The following SLC6A17 variants were observed in gnomAD, a reference collection of about 807,000 sequenced individuals.
SLC6A17 encodes the protein sodium-dependent neutral amino acid transporter SLC6A17.
A neutral mutation model predicts 64.5 loss-of-function variants in SLC6A17; 21 were observed. The ratio of observed to expected loss-of-function variants is 0.33; its 90% CI spans 0.23 to 0.47. The LOEUF is 0.47. Among genes scored for constraint, SLC6A17 ranks in the 20% least tolerant of loss-of-function variants. The pLI is 1.00. For synonymous variants in SLC6A17, 372 were observed against 399.5 expected, an observed-to-expected ratio of 0.93 and a Z score of 0.82; for missense variants, 682 against 963.2, an observed-to-expected ratio of 0.71 and a Z score of 3.86.
rs1481387996 is a variant in SLC6A17 at position 110,174,983 on chromosome 1, AGGACCCAAAT to A, written c.753+26_753+35del. The A allele has an allele frequency of 4.4e-6, 7 of 1,605,700 alleles. No individual in the cohort carries two copies. In the African/African-American group the frequency reaches 9.4e-5, roughly 21 times the overall value. On this transcript the variant is annotated intron_variant, in intron 5 of 11. Coordinates refer to ENST00000331565, the MANE Select transcript of SLC6A17 (RefSeq NM_001010898.4). The stretch of plus-strand genomic sequence containing the variant: ...AAGGTGAGTGCTGAGGGGGGCACCC[AGGACCCAAAT>A]GGGGAACAGCAGAAAGGCACAGAGG...
chr1:110,162,031 T>G (rs946563558), intron 1 of SLC6A17, among the ~76,000 whole-genome samples: 7 of 152,256 alleles, frequency 4.6e-5, no homozygotes, highest in African/African-American at 1.4e-4. Context: ...AAGCCACCTC[T>G]GTTGCTAAGT....
chr1:110,194,850 G>A, intron 9 of SLC6A17, 79 bp downstream of exon 9: 1 of 1,555,676 alleles, frequency 6.4e-7, no homozygotes, highest in Non-Finnish European at 8.7e-7. Flanking sequence ...TTCTGACTGG[G>A]TCCTTCATGA....
chr1:110,156,677 C>T (rs1244930804), intron 1 of SLC6A17, among the ~76,000 whole-genome samples: 1 of 152,186 alleles, frequency 6.6e-6, no homozygotes, highest in Non-Finnish European at 1.5e-5. Flanking sequence ...CATGTAAGCA[C>T]AGTGGGTCAC....
At chr1:110,187,226 AGGCAGAACAATTCGCGAATCG>A (rs1656709285) in intron 6 of SLC6A17, among the ~76,000 whole-genome samples, 1 of 123,192 alleles carries the variant, frequency 8.1e-6, no homozygotes, top group Non-Finnish European at 2.0e-5. Flanking sequence ...TTCGCTAATC[AGGCAGAACAATTCGCGAATCG>A]GGCAGCCTTC....
Position 110,192,373 on chromosome 1 carries a change from C to G in SLC6A17, c.1107-133C>G. On this transcript the variant is annotated intron_variant, in intron 7 of 11. Transcript: ENST00000331565. This position sits in a 1 kb window ranked among gnomAD's most constrained non-coding sequence, Gnocchi z 4.3. ...ACTCTCTGTCCCCAGCTCCGGGCCA[C>G]AGGGACAAGCTCAGAGATGCCTCTG... The G allele has an allele frequency of 6.9e-7, 1 of 1,441,912 alleles. No individual in the cohort carries two copies. The highest frequency in any genetic ancestry group is 1.4e-5 in the African/African-American group (1 of 70,536). 89.3% of individuals were successfully genotyped at this position (1,441,912 alleles called of 1,614,324 possible). A position where few individuals can be genotyped will look rare whatever the true frequency, so the allele number is the denominator to read the frequency against.
At chr1:110,191,858 A>G in intron 6 of SLC6A17, 114 bp from the exon 7 acceptor site, 1 of 1,504,260 alleles carries the variant, frequency 6.6e-7, no homozygotes, top group Admixed American at 2.1e-5. Flanking sequence ...GCTTCTTACC[A>G]CTATGGGCTG....
chr1:110,192,226 TCTC>T lies in SLC6A17; in HGVS notation c.1106+19_1106+21del. Reference sequence around the variant, plus strand: ...AGTGTGTGGTCGAGTAGGTGGCATCTCTCCTCCTGTCCCTCCTTCTCCCTGTCT... The same window carrying T: ...AGTGTGTGGTCGAGTAGGTGGCATCTCTCCTGTCCCTCCTTCTCCCTGTCT... On this transcript the variant is annotated intron_variant, in intron 7 of 11. Coordinates refer to ENST00000331565, the MANE Select transcript of SLC6A17 (RefSeq NM_001010898.4). This position sits in a 1 kb window ranked among gnomAD's most constrained non-coding sequence, Gnocchi z 4.3. 2 of 1,599,406 alleles carry T rather than the reference TCTC, an allele frequency of 1.3e-6. No homozygotes were observed. Among genetic ancestry groups the T allele is most frequent in the East Asian group, 2.2e-5 (1 of 44,636 alleles).
intron 1 of SLC6A17, among the ~76,000 whole-genome samples, chr1:110,152,704 C>T (rs1335207583): frequency 6.6e-6 from 1 of 152,128 alleles, no homozygotes; most frequent in Non-Finnish European, 1.5e-5. Context: ...GTGGGGTGAC[C>T]TTGGGCAAGT....
chr1:110,163,518 C>T (rs1379859125), intron 1 of SLC6A17, among the ~76,000 whole-genome samples: 1 of 152,200 alleles, frequency 6.6e-6, no homozygotes, highest in Non-Finnish European at 1.5e-5. Context: ...CTCATTGGAC[C>T]CTCACAGCAG....
chr1:110,202,026 C>T lies in SLC6A17; in HGVS notation c.*3582C>T, dbSNP rs575440114. ...ACAGACCCAAGCATACACACCAGGC[C>T]GTCACTTTGGGTTCTGGCATAAGTT... On this transcript the variant is annotated 3_prime_UTR_variant, in exon 12 of 12. Coordinates refer to ENST00000331565, the MANE Select transcript of SLC6A17 (RefSeq NM_001010898.4). The T allele has an allele frequency of 2.1e-4, 32 of 152,274 alleles. 1 individual carries two copies. Among genetic ancestry groups the T allele is most frequent in the African/African-American group, 5.1e-4 (21 of 41,516 alleles). The allele number at this position is 152,274 out of a possible 1,614,324, so 9.4% of individuals were successfully genotyped here. A position where few individuals can be genotyped will look rare whatever the true frequency, so the allele number is the denominator to read the frequency against.
chr1:110,193,358 C>G (rs1165651393), intron 8 of SLC6A17, among the ~76,000 whole-genome samples: 1 of 152,204 alleles, frequency 6.6e-6, no homozygotes, highest in African/African-American at 2.4e-5. Context: ...GGTGCTGACT[C>G]CTCCTCAGTG....
chr1:110,198,695 A>C lies in SLC6A17; in HGVS notation c.*251A>C. ...CTAGCCCTCCAAGAGCCTCCGCCAA[A>C]TTGTAGCCATGTAATTGGAACAACC... On this transcript the variant is annotated 3_prime_UTR_variant, in exon 12 of 12. Transcript: ENST00000331565. 4 of 506,606 alleles carry C rather than the reference A, an allele frequency of 7.9e-6. No homozygotes were observed. Among genetic ancestry groups the C allele is most frequent in the Non-Finnish European group, 1.3e-5 (4 of 300,034 alleles). 31.4% of individuals were successfully genotyped at this position (506,606 alleles called of 1,614,324 possible).
chr1:110,157,039 T>A (rs997720291), intron 1 of SLC6A17, among the ~76,000 whole-genome samples: 1 of 152,236 alleles, frequency 6.6e-6, no homozygotes, highest in African/African-American at 2.4e-5. Flanking sequence ...TTTCACTAGT[T>A]ATTCCTGGAC....
intron 1 of SLC6A17, among the ~76,000 whole-genome samples, chr1:110,158,905 A>G (rs1452423600): frequency 6.6e-6 from 1 of 152,212 alleles, no homozygotes; most frequent in African/African-American, 2.4e-5. Context: ...CTGTGGGTCT[A>G]TGGCAGCTCA....
At chr1:110,193,997 C>T (rs148093370) in intron 8 of SLC6A17, among the ~76,000 whole-genome samples, 5 of 152,340 alleles carry the variant, frequency 3.3e-5, no homozygotes, top group African/African-American at 9.6e-5. Flanking sequence ...AGCATTAAAG[C>T]AGTGATTCTC....
At position 110,192,502 on chromosome 1, in the gene SLC6A17, G is replaced by T. The variant is rs747839509; in HGVS notation, c.1107-4G>T. 2 of 1,611,136 alleles carry T rather than the reference G, an allele frequency of 1.2e-6. No homozygotes were observed. Among genetic ancestry groups the T allele is most frequent in the Middle Eastern group, 1.7e-4 (1 of 6,050 alleles). Reference sequence around the variant, plus strand: ...TACCTGGTCCTCTCGGTTTTGTGCTGCAGGAATGCTGAGAAAATCCTAGGG... The same window carrying T: ...TACCTGGTCCTCTCGGTTTTGTGCTTCAGGAATGCTGAGAAAATCCTAGGG... On this transcript the variant is annotated splice_polypyrimidine_tract_variant and splice_region_variant and intron_variant, in intron 7 of 11. Coordinates refer to ENST00000331565, the MANE Select transcript of SLC6A17 (RefSeq NM_001010898.4). The surrounding 1 kb of genome is among the most constrained non-coding windows in gnomAD (Gnocchi z 4.3).
chr1:110,187,222 A>G (rs1656709005), intron 6 of SLC6A17, among the ~76,000 whole-genome samples: 1 of 152,148 alleles, frequency 6.6e-6, no homozygotes, highest in African/African-American at 2.4e-5. Context: ...ACAATTCGCT[A>G]ATCAGGCAGA....
chr1:110,187,137 A>AAAACAG (rs1163950874), intron 6 of SLC6A17, among the ~76,000 whole-genome samples: 1 of 152,184 alleles, frequency 6.6e-6, no homozygotes, highest in East Asian at 1.9e-4. Context: ...AACAAAAACA[A>AAAACAG]AAACAAAAAA....
intron 6 of SLC6A17, among the ~76,000 whole-genome samples, chr1:110,189,891 C>G (rs1656781762): frequency 1.3e-5 from 2 of 152,366 alleles, no homozygotes; most frequent in East Asian, 3.9e-4. Context: ...TTCAGATCCC[C>G]TTCTTATGGG....
Sources: allele counts gnomAD v4.1 joint callset (sites outside exome capture counted in the v4.1 genomes callset), GRCh38; gene constraint gnomAD v4.1.1; non-coding constraint Gnocchi (gnomAD v3.1); transcripts MANE v1.5; gene names NCBI Gene and HGNC (gene_info 2026-07-23, HGNC 2026-07-21).